QKI: variants seen among roughly 807,000 people sequenced by gnomAD.
QKI encodes QKI, KH domain containing RNA binding.
QKI carries 10 observed loss-of-function variants against 39.0 expected under a neutral mutation model. That is an observed-to-expected ratio of 0.26 (90% CI 0.16 to 0.43). QKI has a LOEUF of 0.43. QKI is among the 20% of genes least tolerant of loss of function. QKI has a pLI of 1.00. For missense variants in QKI, 218 were observed against 428.0 expected (o/e 0.51, Z 4.33); for synonymous variants, 204 against 155.4 (o/e 1.31, Z -2.33).
rs11375326 is a variant in QKI at position 163,427,243 on chromosome 6, C to CTTTTT, written c.142+11926_142+11930dup. Among the ~76,000 whole-genome samples the CTTTTT allele has an allele frequency of 7.5e-3, 646 of 85,594 alleles. 1 individual carries two copies. Among genetic ancestry groups the CTTTTT allele is most frequent in the East Asian group, 0.012 (33 of 2,744 alleles). The allele number at this position is 85,594 out of a possible 152,430, so 56.2% of individuals were successfully genotyped here. On this transcript the variant is annotated intron_variant, in intron 1 of 7. Coordinates refer to ENST00000361752, the MANE Select transcript of QKI (RefSeq NM_006775.3). ...GTTACTGTTAATTTTATACTCGTAC[C>CTTTTT]TTTTTTTTTTTTTTTTTTTTTTGCT... is the stretch of plus-strand genomic sequence containing the variant.
At chr6:163,461,865 C>G (rs1471052738) in intron 2 of QKI, among the ~76,000 whole-genome samples, 1 of 152,176 alleles carries the variant, frequency 6.6e-6, no homozygotes, top group Non-Finnish European at 1.5e-5. Context: ...GGCTATGAAG[C>G]AGTCAAAGGT....
At chr6:163,429,239 T>A (rs1377933459) in intron 1 of QKI, among the ~76,000 whole-genome samples, 3 of 152,186 alleles carry the variant, frequency 2.0e-5, no homozygotes, top group Non-Finnish European at 4.4e-5. Flanking sequence ...AAAGAACTTA[T>A]TTATCAGAAG....
chr6:163,465,846 A>G (rs1437743368), intron 2 of QKI, among the ~76,000 whole-genome samples: 2 of 151,914 alleles, frequency 1.3e-5, no homozygotes, highest in Non-Finnish European at 2.9e-5. Context: ...TTAAGAGGTC[A>G]GGTATGGTGG....
In QKI at chr6:163,574,811, AACAATTTATCTTTGTAAATT is replaced by A. The variant is rs1172945148; in HGVS notation, c.*4105_*4124del. On this transcript the variant is annotated 3_prime_UTR_variant, in exon 8 of 8. Transcript: ENST00000361752. The stretch of plus-strand genomic sequence containing the variant: ...AGGATGAATTTTTGCATTTGTAAAT[AACAATTTATCTTTGTAAATT>A]ACATTTTATTTATTTAGAGTTCTAA... 1 of 152,202 alleles carries A rather than the reference AACAATTTATCTTTGTAAATT, an allele frequency of 6.6e-6. No individual in the cohort carries two copies. The highest frequency in any genetic ancestry group is 1.5e-5 in the Non-Finnish European group (1 of 68,024). The allele number at this position is 152,202 out of a possible 1,614,324, so 9.4% of individuals were successfully genotyped here.
chr6:163,577,736 C>T lies in QKI; in HGVS notation c.*7026C>T, dbSNP rs1777660772. 6.6e-6 allele frequency: 1 copy of T among 152,130 alleles called. No individual in the cohort carries two copies. 9.4% of individuals were successfully genotyped at this position (152,130 alleles called of 1,614,324 possible). ...TGATCTGACTTTCAAACCAGCTTCT[C>T]AAAAGGGGTGACATAAAATCAGTTT... On this transcript the variant is annotated 3_prime_UTR_variant, in exon 8 of 8. Transcript: ENST00000361752.
chr6:163,477,886 T>TA (rs1480654395), intron 2 of QKI, among the ~76,000 whole-genome samples: 1 of 152,162 alleles, frequency 6.6e-6, no homozygotes, highest in Non-Finnish European at 1.5e-5. Context: ...AAAAGTTGGA[T>TA]AAATGCAAGA....
intron 2 of QKI, among the ~76,000 whole-genome samples, chr6:163,469,865 C>T (rs961682288): frequency 4.6e-5 from 7 of 152,062 alleles, no homozygotes; most frequent in Non-Finnish European, 1.0e-4. Context: ...CTTTTTTATT[C>T]AGATCCTCAT....
intron 3 of QKI, among the ~76,000 whole-genome samples, chr6:163,510,860 A>T (rs1398544032): frequency 9.1e-6 from 1 of 109,378 alleles, no homozygotes; most frequent in Admixed American, 1.0e-4. Context: ...TTTTAATGTA[A>T]CTCTTTCAGC....
chr6:163,483,575 C>T (rs1793246219), intron 3 of QKI, among the ~76,000 whole-genome samples: 1 of 152,202 alleles, frequency 6.6e-6, no homozygotes, highest in Non-Finnish European at 1.5e-5. Flanking sequence ...CTCTGCTCAT[C>T]CATAAGAAGC....
chr6:163,421,690 A>C (rs1441872012), intron 1 of QKI, among the ~76,000 whole-genome samples: 1 of 152,110 alleles, frequency 6.6e-6, no homozygotes, highest in Admixed American at 6.5e-5. Context: ...GCCATTACTT[A>C]GAAAACTGAT....
At chr6:163,494,812 T>C (rs925158653) in intron 3 of QKI, among the ~76,000 whole-genome samples, 2 of 152,070 alleles carry the variant, frequency 1.3e-5, no homozygotes, top group Non-Finnish European at 2.9e-5. Flanking sequence ...TGATGTGCCT[T>C]ATGGAGAAAA....
chr6:163,423,692 A>G (rs1226416386), intron 1 of QKI: 1 of 152,232 alleles, frequency 6.6e-6, no homozygotes, highest in Non-Finnish European at 1.5e-5. Flanking sequence ...ATTTTTAACG[A>G]TAACTTTCTA....
chr6:163,526,782 ATC>A (rs1169576619), intron 3 of QKI, among the ~76,000 whole-genome samples: 1 of 152,178 alleles, frequency 6.6e-6, no homozygotes, highest in African/African-American at 2.4e-5. Flanking sequence ...AGCAGCTCAT[ATC>A]TAGAGAAATC....
rs1282861241 is a variant in QKI, at chr6:163,415,100, G to T, written c.-94G>T. The T allele has an allele frequency of 2.9e-6, 3 of 1,029,210 alleles. No individual in the cohort carries two copies. Among genetic ancestry groups the T allele is most frequent in the South Asian group, 8.7e-5 (2 of 23,000 alleles). 63.8% of individuals were successfully genotyped at this position (1,029,210 alleles called of 1,614,324 possible). A position where few individuals can be genotyped will look rare whatever the true frequency, so the allele number is the denominator to read the frequency against. ...GGCGCGGAGCGGGACGCCGGGTCCC[G>T]AGCGGCCCGCGGCCGGGGCTCGCCC... On this transcript the variant is annotated 5_prime_UTR_variant, in exon 1 of 8. Coordinates refer to ENST00000361752, the MANE Select transcript of QKI (RefSeq NM_006775.3).
chr6:163,567,336 A>G, intron 7 of QKI: 1 of 985,622 alleles, frequency 1.0e-6, no homozygotes, highest in Middle Eastern at 5.2e-4. Flanking sequence ...CAACAAAGTG[A>G]GGACTGTGAA....
intron 1 of QKI, among the ~76,000 whole-genome samples, chr6:163,439,617 G>C (rs1416098858): frequency 6.7e-6 from 1 of 149,394 alleles, no homozygotes; most frequent in Non-Finnish European, 1.5e-5. Context: ...GCCTCCCAAA[G>C]TGTTGAGATT....
At chr6:163,430,682 A>G (rs1788752655) in intron 1 of QKI, among the ~76,000 whole-genome samples, 2 of 152,136 alleles carry the variant, frequency 1.3e-5, no homozygotes, top group South Asian at 4.1e-4. Flanking sequence ...TTTTACCAGT[A>G]TGCTTTCTTT....
intron 2 of QKI, among the ~76,000 whole-genome samples, chr6:163,470,031 GA>G (rs937996718): frequency 1.3e-4 from 19 of 151,682 alleles, no homozygotes; most frequent in South Asian, 4.2e-4. Context: ...GATACAATAG[GA>G]AAAAAAATAA....
intron 4 of QKI, among the ~76,000 whole-genome samples, chr6:163,552,526 C>T (rs1462617309): frequency 6.6e-6 from 1 of 151,622 alleles, no homozygotes; most frequent in African/African-American, 2.4e-5. Context: ...AGTTCTTTAT[C>T]CTAATCATCT....
Sources: gnomAD v4.1 joint callset for allele counts (sites outside exome capture counted in the v4.1 genomes callset) on GRCh38, gnomAD v4.1.1 for gene constraint, MANE v1.5 for transcripts, NCBI Gene and HGNC (gene_info 2026-07-23, HGNC 2026-07-21) for gene names.